Variants in MICAL2 observed in about 807,000 individuals in gnomAD.
The protein encoded by MICAL2 is [F-actin]-monooxygenase MICAL2.
MICAL2 carries 77 observed loss-of-function variants against 127.3 expected under a neutral mutation model. That is an observed-to-expected ratio of 0.60 (90% CI 0.50 to 0.73). The LOEUF (loss-of-function observed/expected upper bound fraction) is 0.73. MICAL2 is among the 30% of genes least tolerant of loss of function. The probability of loss-of-function intolerance (pLI) is 0.00; values close to 1 mark genes in which losing one functional copy is unlikely to be tolerated. For missense variants in MICAL2, 1,351 were observed against 1,434.4 expected, an observed-to-expected ratio of 0.94 and a Z score of 0.94; for synonymous variants, 570 against 551.1, an observed-to-expected ratio of 1.03 and a Z score of -0.48.
Position 12,316,966 on chromosome 11 carries a change from G to A in MICAL2, c.5213-2730G>A, listed in dbSNP as rs114765605. Reference sequence around the variant, plus strand: ...ATTTTTGTTCTACCCTGGCTAGGTAGAACTTGAACATCTCTCAGTCCTAAA... The same window carrying A: ...ATTTTTGTTCTACCCTGGCTAGGTAAAACTTGAACATCTCTCAGTCCTAAA... On this transcript the variant is annotated intron_variant, in intron 29 of 34. Transcript: ENST00000646065. Among the ~76,000 whole-genome samples the A allele has an allele frequency of 6.6e-3, 1,009 of 152,214 alleles. 16 individuals carry two copies. Among genetic ancestry groups the A allele is most frequent in the African/African-American group, 0.023 (970 of 41,522 alleles).
intron 4 of MICAL2, among the ~76,000 whole-genome samples, chr11:12,206,664 C>T (rs1252778275): frequency 6.6e-6 from 1 of 152,176 alleles, no homozygotes; most frequent in African/African-American, 2.4e-5. Flanking sequence ...ACTTCCTCCT[C>T]CAGTTCCCAC....
At chr11:12,294,722 G>A, downstream of MICAL2, 2 of 1,613,892 alleles carry the variant, frequency 1.2e-6, no homozygotes, top group Non-Finnish European at 1.7e-6. Context: ...CAAGAGGAAG[G>A]TGCTGCCTGA....
At chr11:12,259,086 A>G (rs1313100491) in intron 25 of MICAL2, among the ~76,000 whole-genome samples, 3 of 152,220 alleles carry the variant, frequency 2.0e-5, no homozygotes, top group Non-Finnish European at 4.4e-5. Flanking sequence ...CACTAGCAAC[A>G]ACCCATAACT....
downstream of MICAL2, among the ~76,000 whole-genome samples, chr11:12,266,606 G>C (rs1230544586): frequency 6.6e-6 from 1 of 152,242 alleles, no homozygotes; most frequent in Non-Finnish European, 1.5e-5. Flanking sequence ...CTTGCGGTCA[G>C]TACTGATGTT....
rs563292434 is a variant in MICAL2, at chr11:12,338,659, A to G, written c.5516-11179A>G. Among the ~76,000 whole-genome samples, 9 of 152,296 alleles carry G rather than the reference A, an allele frequency of 5.9e-5. No homozygotes were observed. In the South Asian group the frequency reaches 1.9e-3, roughly 32 times the overall value. The stretch of plus-strand genomic sequence containing the variant: ...TTTTAGGGCAGGCCTTGTGGTGACA[A>G]AATCTCTCAACATTTGCTTGTCTGT... On this transcript the variant is annotated intron_variant, in intron 32 of 34. Coordinates refer to the MICAL2 transcript ENST00000646065.
At chr11:12,214,169 GA>G (rs1855858118) in intron 7 of MICAL2, among the ~76,000 whole-genome samples, 1 of 152,170 alleles carries the variant, frequency 6.6e-6, no homozygotes, top group African/African-American at 2.4e-5. Flanking sequence ...AGGGTGAGGG[GA>G]AAGGGGGACG....
intron 3 of MICAL2, among the ~76,000 whole-genome samples, chr11:12,182,702 A>G (rs921451887): frequency 1.3e-5 from 2 of 152,164 alleles, no homozygotes; most frequent in Non-Finnish European, 2.9e-5. Flanking sequence ...GTGGTGTCGT[A>G]ATGCCTCAAT....
intron 3 of MICAL2, among the ~76,000 whole-genome samples, chr11:12,188,890 TG>T (rs1858686204): frequency 1.3e-5 from 2 of 152,190 alleles, no homozygotes; most frequent in South Asian, 4.1e-4. Context: ...TGTGTCACTA[TG>T]CGGACTCTCT....
At chr11:12,169,267 T>G (rs1855945181) in intron 3 of MICAL2, among the ~76,000 whole-genome samples, 1 of 152,214 alleles carries the variant, frequency 6.6e-6, no homozygotes, top group Non-Finnish European at 1.5e-5. Flanking sequence ...CTTTTTTCAC[T>G]GAAAAATATA....
chr11:12,304,637 A>AACACACAC (rs57280679), intron 29 of MICAL2, among the ~76,000 whole-genome samples: 12 of 128,882 alleles, frequency 9.3e-5, no homozygotes, highest in East Asian at 5.1e-4. Flanking sequence ...CTCTGTCTCA[A>AACACACAC]ACACACACAC....
rs367827057 is a variant in MICAL2 at position 12,218,552 on chromosome 11, G to C, written c.949-1649G>C. 1.1e-4 allele frequency among the ~76,000 whole-genome samples: 17 copies of C among 152,320 alleles called. No homozygotes were observed. In the East Asian group the frequency reaches 3.1e-3, roughly 28 times the overall value. ...GCTTGGGTCATATTTTGAAGGGGGG[G>C]TGTTTGAGACCTCTCCCTTCTCTCT... On this transcript the variant is annotated intron_variant, in intron 8 of 27. Transcript: ENST00000683283.
At chr11:12,292,436 C>A, downstream of MICAL2, 2 of 905,714 alleles carry the variant, frequency 2.2e-6, no homozygotes, top group Non-Finnish European at 1.7e-6. Flanking sequence ...GATACTCTGT[C>A]AAGGGTCTAC....
chr11:12,298,984 T>G (rs1307818529), intron 29 of MICAL2, among the ~76,000 whole-genome samples: 1 of 152,236 alleles, frequency 6.6e-6, no homozygotes, highest in Non-Finnish European at 1.5e-5. Flanking sequence ...ATATCACTTT[T>G]ATATGATTTC....
At chr11:12,208,861 C>A (rs1362056363) in intron 5 of MICAL2, among the ~76,000 whole-genome samples, 1 of 152,182 alleles carries the variant, frequency 6.6e-6, no homozygotes, top group Non-Finnish European at 1.5e-5. Flanking sequence ...TTTCTGATTT[C>A]TCCTGTCCTC....
At chr11:12,167,670 G>A (rs573380406) in intron 3 of MICAL2, among the ~76,000 whole-genome samples, 4 of 152,140 alleles carry the variant, frequency 2.6e-5, no homozygotes, top group South Asian at 2.1e-4. Flanking sequence ...AACTCTGTGC[G>A]AGTTGAAGAA....
At chr11:12,268,772 G>T (rs537299763), downstream of MICAL2, among the ~76,000 whole-genome samples, 120 of 152,078 alleles carry the variant, frequency 7.9e-4, no homozygotes, top group Middle Eastern at 0.02. Flanking sequence ...GGGCGGATCA[G>T]GAGGTTAGGA....
intron 2 of MICAL2, among the ~76,000 whole-genome samples, chr11:12,146,262 A>G (rs1025257456): frequency 6.6e-6 from 1 of 152,236 alleles, no homozygotes; most frequent in African/African-American, 2.4e-5. Flanking sequence ...AGAAACTACC[A>G]TCAGCGTGAA....
chr11:12,317,394 T>G (rs10831785), intron 29 of MICAL2, among the ~76,000 whole-genome samples: 18,720 of 152,264 alleles, frequency 0.12, 1,362 homozygotes, highest in South Asian at 0.22. Flanking sequence ...CATGTATTTT[T>G]TCTTAATTTT....
At chr11:12,259,944 G>T in intron 26 of MICAL2, 47 bp downstream of exon 26, 1 of 1,597,400 alleles carries the variant, frequency 6.3e-7, no homozygotes. Flanking sequence ...GGCCCCTCAG[G>T]CTGCCGAGGG....
Sources: allele counts gnomAD v4.1 joint callset (sites outside exome capture counted in the v4.1 genomes callset), GRCh38; gene constraint gnomAD v4.1.1; transcripts MANE v1.5; gene names NCBI Gene and HGNC (gene_info 2026-07-23, HGNC 2026-07-21).